PTPRN2: variants seen among roughly 807,000 people sequenced by gnomAD.
The protein encoded by PTPRN2 is protein tyrosine phosphatase receptor type N2, also known as receptor-type tyrosine-protein phosphatase N2.
Under a neutral mutation model 118.8 loss-of-function variants are expected in PTPRN2, and 74 were observed. The observed-to-expected ratio is 0.62, with a 90% CI of 0.52 to 0.76. PTPRN2 has a LOEUF of 0.76. PTPRN2 is among the 30% of genes least tolerant of loss of function. The pLI is 0.00. For missense variants in PTPRN2, 1,481 were observed against 1,394.4 expected (o/e 1.06, Z -0.99); for synonymous variants, 641 against 608.0 (o/e 1.05, Z -0.80).
intron 21 of PTPRN2, among the ~76,000 whole-genome samples, chr7:157,556,423 G>GCA (rs1384968748): frequency 7.3e-6 from 1 of 137,348 alleles, no homozygotes; most frequent in Admixed American, 7.3e-5. Context: ...ATACGCACAT[G>GCA]CACACACACA....
chr7:158,383,221 A>G (rs1811096820), intron 2 of PTPRN2, among the ~76,000 whole-genome samples: 1 of 152,222 alleles, frequency 6.6e-6, no homozygotes, highest in Non-Finnish European at 1.5e-5. Context: ...TTGAAGAACT[A>G]TTTTGAAGAA....
Position 158,245,020 on chromosome 7 carries a change from C to T in PTPRN2, c.278-39747G>A, listed in dbSNP as rs745642771. Among the ~76,000 whole-genome samples, 8 of 152,288 alleles carry T rather than the reference C, an allele frequency of 5.3e-5. No individual in the cohort carries two copies. In the East Asian group the frequency reaches 7.7e-4, roughly 15 times the overall value. ...GCTGTGTCATGTGGACAAGTGACGTCGTCTTGAGGATGGCCTCGTGAGGCG... is the reference window on the plus strand; with the variant it reads ...GCTGTGTCATGTGGACAAGTGACGTTGTCTTGAGGATGGCCTCGTGAGGCG... On this transcript the variant is annotated intron_variant, in intron 3 of 22. Transcript: ENST00000389418.
intron 12 of PTPRN2, among the ~76,000 whole-genome samples, chr7:157,850,586 C>G (rs936394130): frequency 1.3e-5 from 2 of 152,210 alleles, no homozygotes; most frequent in Non-Finnish European, 1.5e-5. Flanking sequence ...TCTCCTTTCT[C>G]AAACCATCCA....
At position 158,555,385 on chromosome 7, in the gene PTPRN2, A is replaced by G. The variant is rs763493682; in HGVS notation, c.112+32173T>C. Among the ~76,000 whole-genome samples the G allele has an allele frequency of 2.6e-5, 4 of 152,076 alleles. No homozygotes were observed. The highest frequency in any genetic ancestry group is 5.9e-5 in the Non-Finnish European group (4 of 67,998). Reference sequence around the variant, plus strand: ...CCTTCTCCCTTCACAAGCAGCATCCACGGCTCAGTGGTGCCCCTCGCCCCC... The same window carrying G: ...CCTTCTCCCTTCACAAGCAGCATCCGCGGCTCAGTGGTGCCCCTCGCCCCC... On this transcript the variant is annotated intron_variant, in intron 1 of 22. Transcript: ENST00000389418. The surrounding 1 kb of genome is among the most constrained non-coding windows in gnomAD (Gnocchi z 4.7).
intron 12 of PTPRN2, among the ~76,000 whole-genome samples, chr7:157,742,597 T>C (rs1041784912): frequency 6.6e-6 from 1 of 152,148 alleles, no homozygotes; most frequent in Non-Finnish European, 1.5e-5. Context: ...CAGATGCGTG[T>C]ACCCCACGAG....
intron 11 of PTPRN2, among the ~76,000 whole-genome samples, chr7:158,053,032 G>A (rs558682596): frequency 3.3e-5 from 5 of 152,292 alleles, no homozygotes; most frequent in South Asian, 2.1e-4. Flanking sequence ...CCACCCTGGC[G>A]TCTGCTTCCC....
Position 157,603,946 on chromosome 7 carries a change from C to T in PTPRN2, c.2418+56G>A, listed in dbSNP as rs918711515. ...CCGAGAACCTTCCCACGTGATTTGC[C>T]GCGTCCGTGCCACCCAAGGGAAAGC... On this transcript the variant is annotated intron_variant, in intron 16 of 22. Coordinates refer to ENST00000389418, the MANE Select transcript of PTPRN2 (RefSeq NM_002847.5). This position sits in a 1 kb window ranked among gnomAD's most constrained non-coding sequence, Gnocchi z 5.4. 3.6e-5 allele frequency: 54 copies of T among 1,516,854 alleles called. No homozygotes were observed. Among genetic ancestry groups the T allele is most frequent in the African/African-American group, 8.2e-5 (6 of 72,866 alleles). 94.0% of individuals were successfully genotyped at this position (1,516,854 alleles called of 1,614,324 possible).
chr7:158,487,215 G>A (rs1300989207), intron 2 of PTPRN2, among the ~76,000 whole-genome samples: 1 of 152,210 alleles, frequency 6.6e-6, no homozygotes, highest in Non-Finnish European at 1.5e-5. Flanking sequence ...TGGCTGTTGT[G>A]CATTAACTGC....
intron 13 of PTPRN2, among the ~76,000 whole-genome samples, chr7:157,680,650 C>G (rs899653300): frequency 6.6e-6 from 1 of 152,164 alleles, no homozygotes; most frequent in African/African-American, 2.4e-5. Flanking sequence ...ACTTTCTCAC[C>G]GGGAAACAAT....
At chr7:158,215,000 C>G (rs1443153912) in intron 3 of PTPRN2, among the ~76,000 whole-genome samples, 1 of 152,014 alleles carries the variant, frequency 6.6e-6, no homozygotes, top group Non-Finnish European at 1.5e-5. Context: ...CAAAGAAGAT[C>G]ACAAAATAAA....
intron 2 of PTPRN2, among the ~76,000 whole-genome samples, chr7:158,397,179 G>A (rs1009133393): frequency 2.0e-5 from 3 of 152,270 alleles, no homozygotes; most frequent in African/African-American, 4.8e-5. Flanking sequence ...CCTTCCTTGC[G>A]TAATCTCAAA....
chr7:157,611,961 G>C lies in PTPRN2; in HGVS notation c.2345-7886C>G, dbSNP rs754289962. ...CAGCCGTGGTCGTGCTGAGGAGCGA[G>C]GCCTCCAGAGAAGCCAGCCCTGCTG... On this transcript the variant is annotated intron_variant, in intron 15 of 22. Coordinates refer to ENST00000389418, the MANE Select transcript of PTPRN2 (RefSeq NM_002847.5). The surrounding 1 kb of genome is among the most constrained non-coding windows in gnomAD (Gnocchi z 5.9). Among the ~76,000 whole-genome samples, 18 of 152,172 alleles carry C rather than the reference G, an allele frequency of 1.2e-4. No homozygotes were observed. Among genetic ancestry groups the C allele is most frequent in the Non-Finnish European group, 2.2e-4 (15 of 68,024 alleles).
chr7:158,361,705 T>C (rs1040142941), intron 2 of PTPRN2, among the ~76,000 whole-genome samples: 4 of 152,114 alleles, frequency 2.6e-5, no homozygotes, highest in Non-Finnish European at 5.9e-5. Context: ...TCCTGGGGGA[T>C]CCTAGGCAGG....
chr7:157,748,688 A>C (rs1388979528), intron 12 of PTPRN2, among the ~76,000 whole-genome samples: 447 of 50,778 alleles, frequency 8.8e-3, no homozygotes, highest in Admixed American at 0.01. Flanking sequence ...GCCTGCGTCT[A>C]TGAGCTGTGG....
rs1277079016 is a variant in PTPRN2, at chr7:158,273,607, GACAC to G, written c.277+43208_277+43211del. ...GCAGACAGACATGGGAGGAGCCGCA[GACAC>G]GGGGAGCCGCAGGCATGGGGGAGCC... On this transcript the variant is annotated intron_variant, in intron 3 of 22. Transcript: ENST00000389418. Among the ~76,000 whole-genome samples the G allele has an allele frequency of 2.1e-3, 193 of 93,710 alleles. 56 individuals are homozygous for G. The highest frequency in any genetic ancestry group is 4.4e-3 in the African/African-American group (80 of 18,110). The allele number at this position is 93,710 out of a possible 152,430, so 61.5% of individuals were successfully genotyped here.
At chr7:157,578,594 T>C (rs1180736673) in intron 17 of PTPRN2, among the ~76,000 whole-genome samples, 1 of 152,270 alleles carries the variant, frequency 6.6e-6, no homozygotes, top group African/African-American at 2.4e-5. Context: ...CTTTTCAAAG[T>C]ACTTCACGGA....
chr7:157,684,154 T>C (rs1435779288), intron 12 of PTPRN2, among the ~76,000 whole-genome samples: 1 of 152,052 alleles, frequency 6.6e-6, no homozygotes, highest in Middle Eastern at 3.2e-3. Flanking sequence ...TCGCCGGTCT[T>C]GACTGGAAAA....
intron 12 of PTPRN2, among the ~76,000 whole-genome samples, chr7:157,686,501 G>A (rs1797201766): frequency 6.6e-6 from 1 of 152,206 alleles, no homozygotes; most frequent in South Asian, 2.1e-4. Flanking sequence ...TTGAGGCACA[G>A]TCTTGACCCA....
rs977359469 is a variant in PTPRN2, at chr7:158,150,534, C to T, written c.911-12019G>A. Among the ~76,000 whole-genome samples, 51 of 152,132 alleles carry T rather than the reference C, an allele frequency of 3.4e-4. 1 individual carries two copies. Among genetic ancestry groups the T allele is most frequent in the Admixed American group, 2.8e-3 (42 of 15,272 alleles). On this transcript the variant is annotated intron_variant, in intron 6 of 22. Coordinates refer to ENST00000389418, the MANE Select transcript of PTPRN2 (RefSeq NM_002847.5). ...AACCCAGGTGAGTCCCAGTATTCACCAGCTCCTGGAGCCCAGAAACAAGTG... is the reference window on the plus strand; with the variant it reads ...AACCCAGGTGAGTCCCAGTATTCACTAGCTCCTGGAGCCCAGAAACAAGTG...
Sources: gnomAD v4.1 joint callset for allele counts (sites outside exome capture counted in the v4.1 genomes callset) on GRCh38, gnomAD v4.1.1 for gene constraint, Gnocchi (gnomAD v3.1) non-coding constraint, MANE v1.5 for transcripts, NCBI Gene and HGNC (gene_info 2026-07-23, HGNC 2026-07-21) for gene names.